ABCA9: variants seen among roughly 807,000 people sequenced by gnomAD.
ABCA9 encodes the protein ATP binding cassette subfamily A member 9.
A neutral mutation model predicts 205.3 loss-of-function variants in ABCA9; 183 were observed. The observed-to-expected ratio is 0.89, with a 90% CI of 0.79 to 1.01. ABCA9 has a LOEUF of 1.01. Among genes scored for constraint, ABCA9 ranks in the 50% least tolerant of loss-of-function variants. The pLI is 0.00. For missense variants in ABCA9, 1,805 were observed against 1,912.4 expected (o/e 0.94, Z 1.05); for synonymous variants, 651 against 683.3 (o/e 0.95, Z 0.74).
At chr17:69,010,387 A>T (rs1276680758) in intron 23 of ABCA9, among the ~76,000 whole-genome samples, 1 of 152,150 alleles carries the variant, frequency 6.6e-6, no homozygotes, top group East Asian at 1.9e-4. Flanking sequence ...AGCCAGAAGA[A>T]ATGGCCAATG....
chr17:69,060,023 T>G (rs1402610131), intron 1 of ABCA9, among the ~76,000 whole-genome samples: 1 of 151,412 alleles, frequency 6.6e-6, no homozygotes, highest in African/African-American at 2.5e-5. Flanking sequence ...CCCACGTGAC[T>G]ACTGTTCTTT....
At chr17:69,072,085 A>T in the ABCA9 span, among the ~76,000 whole-genome samples, 1 of 152,218 alleles carries the variant, frequency 6.6e-6, no homozygotes, top group Non-Finnish European at 1.5e-5. Context: ...TCCAAGCAAT[A>T]TGGGACTATG....
intron 37 of ABCA9, among the ~76,000 whole-genome samples, chr17:68,981,835 CAAAAAAAAA>C (rs398041827): frequency 8.1e-4 from 42 of 51,656 alleles, no homozygotes; most frequent in African/African-American, 3.1e-3. Flanking sequence ...AACTCTTTCT[CAAAAAAAAA>C]AAAAAAAAAA....
chr17:68,996,470 A>G (rs930119875), intron 25 of ABCA9, among the ~76,000 whole-genome samples: 2 of 152,230 alleles, frequency 1.3e-5, no homozygotes, highest in African/African-American at 4.8e-5. Context: ...TTCTGCTCCT[A>G]TGAATGATGG....
rs188104057 is a variant in ABCA9 at position 69,034,966 on chromosome 17, T to C, written c.1128+280A>G. The stretch of plus-strand genomic sequence containing the variant: ...TAAATGCTTGTGATAACATTAAGGG[T>C]CATGTTTCCTGAGCACTGAATGAGA... On this transcript the variant is annotated intron_variant, in intron 8 of 38. Transcript: ENST00000340001. The C allele has an allele frequency of 5.7e-5, 14 of 247,128 alleles. 1 individual carries two copies. In the Admixed American group the frequency reaches 6.6e-4, roughly 12 times the overall value. 15.3% of individuals were successfully genotyped at this position (247,128 alleles called of 1,614,324 possible).
chr17:68,983,881 GA>G, intron 35 of ABCA9, 32 bp from the exon 36 acceptor site: 2 of 1,613,508 alleles, frequency 1.2e-6, no homozygotes, highest in Non-Finnish European at 1.7e-6. Context: ...AGTCAAGCAA[GA>G]AAAGAGAAAA....
chr17:69,031,809 CAG>C (rs989098219), intron 10 of ABCA9, among the ~76,000 whole-genome samples: 14 of 152,020 alleles, frequency 9.2e-5, no homozygotes, highest in South Asian at 2.1e-4. Flanking sequence ...GAGAACAACT[CAG>C]GGGAGAAAAA....
At chr17:69,072,174 G>A in the ABCA9 span, among the ~76,000 whole-genome samples, 48 of 152,192 alleles carry the variant, frequency 3.2e-4, no homozygotes, top group African/African-American at 9.9e-4. Context: ...AACACTCTTC[G>A]GGATATTAAC....
At position 68,993,104 on chromosome 17, in the gene ABCA9, T is replaced by C; in HGVS notation, c.3556-20A>G. On this transcript the variant is annotated intron_variant, in intron 26 of 38. Transcript: ENST00000340001. ...AGAAATCTGTAAAATGAGCAGTAAG[T>C]GTATTCAGGTGAACCTTCTTTATTT... The C allele has an allele frequency of 6.3e-7, 1 of 1,589,770 alleles. No individual in the cohort carries two copies. The highest frequency in any genetic ancestry group is 1.3e-5 in the African/African-American group (1 of 74,402).
chr17:69,059,694 T>C (rs553511233), intron 1 of ABCA9, among the ~76,000 whole-genome samples: 1 of 146,720 alleles, frequency 6.8e-6, no homozygotes. Context: ...ACAGCAGCAA[T>C]AGAAAGTTAA....
At chr17:68,980,919 T>TA (rs1269052520) in intron 37 of ABCA9, among the ~76,000 whole-genome samples, 1 of 134,936 alleles carries the variant, frequency 7.4e-6, no homozygotes, top group African/African-American at 3.0e-5. Flanking sequence ...TATAATAATA[T>TA]AAAAAAACTA....
At chr17:69,029,673 GCT>G (rs2071098716) in intron 10 of ABCA9, among the ~76,000 whole-genome samples, 1 of 152,150 alleles carries the variant, frequency 6.6e-6, no homozygotes, top group Non-Finnish European at 1.5e-5. Flanking sequence ...CTACACACCA[GCT>G]CTGTTACAAA....
At chr17:69,075,182 G>A in the ABCA9 span, among the ~76,000 whole-genome samples, 2 of 152,006 alleles carry the variant, frequency 1.3e-5, no homozygotes, top group African/African-American at 4.8e-5. Context: ...ATATTCTCCT[G>A]TTCTCTAGGT....
Position 68,989,852 on chromosome 17 carries a change from T to C in ABCA9, c.3916A>G (p.Lys1306Glu). 1 of 1,612,414 alleles carries C rather than the reference T, an allele frequency of 6.2e-7. No homozygotes were observed. The highest frequency in any genetic ancestry group is 1.1e-5 in the South Asian group (1 of 90,922). The change falls in exon 30 of 39, where the codon AAA (lysine) becomes GAA (glutamate). Residue 1306 changes from lysine (K) to glutamate (E), a missense_variant. By Grantham distance (56) the Lys-to-Glu change is moderately conservative. Coordinates refer to ENST00000340001, the MANE Select transcript of ABCA9 (RefSeq NM_080283.4). Reference protein sequence around the residue: ...KKNCFSKRKKKIATRNVSFCV... With the variant: ...KKNCFSKRKKEIATRNVSFCV... ...AAAGAGACATTTCTTGTGGCAATTTTTTTCTTCCTTTTAGAAAAGCAATTT... is the reference window on the plus strand; with the variant it reads ...AAAGAGACATTTCTTGTGGCAATTTCTTTCTTCCTTTTAGAAAAGCAATTT...
chr17:69,038,505 T>C (rs1438636306), intron 6 of ABCA9, among the ~76,000 whole-genome samples: 2 of 152,084 alleles, frequency 1.3e-5, no homozygotes, highest in Non-Finnish European at 2.9e-5. Context: ...ATGCCTTCAA[T>C]AAAGTTCAAC....
chr17:68,982,495 AC>A, intron 37 of ABCA9, 66 bp downstream of exon 37: 1 of 1,191,878 alleles, frequency 8.4e-7, no homozygotes, highest in Non-Finnish European at 1.2e-6. Context: ...TTTTTAAAAT[AC>A]TGGTTCTATG....
Position 68,999,935 on chromosome 17 carries a change from G to A in ABCA9, c.3436-3921C>T, listed in dbSNP as rs1003363271. 4.6e-5 allele frequency among the ~76,000 whole-genome samples: 7 copies of A among 152,264 alleles called. No homozygotes were observed. In the South Asian group the frequency reaches 1.0e-3, roughly 23 times the overall value. On this transcript the variant is annotated intron_variant, in intron 25 of 38. Coordinates refer to ENST00000340001, the MANE Select transcript of ABCA9 (RefSeq NM_080283.4). ...CTGCATAAATGTCTTCTTTTGAGAA[G>A]TGTCTGTTCATGTCCTTCGCCCACT... is the stretch of plus-strand genomic sequence containing the variant.
At position 69,007,870 on chromosome 17, in the gene ABCA9, G is replaced by A. The variant is rs150518027; in HGVS notation, c.3324C>T (p.Ile1108=). 6,796 of 1,578,818 alleles carry A rather than the reference G, an allele frequency of 4.3e-3. 28 individuals carry two copies. The highest frequency in any genetic ancestry group is 5.3e-3 in the Non-Finnish European group (6,150 of 1,151,332). The change falls in exon 25 of 39, where the codon ATC becomes ATT. Residue 1108 remains isoleucine (I), a splice_region_variant and synonymous_variant. Coordinates refer to ENST00000340001, the MANE Select transcript of ABCA9 (RefSeq NM_080283.4). The part of the protein sequence containing the change: ...IFIIQNLLIQ[I]LCSIGYVSSL... ...ATGAGACATAGCCAATACTACACAGGATCTGAAAACAGAAATGTTAAGGTC... is the reference window on the plus strand; with the variant it reads ...ATGAGACATAGCCAATACTACACAGAATCTGAAAACAGAAATGTTAAGGTC...
chr17:69,066,815 G>A, the ABCA9 span, among the ~76,000 whole-genome samples: 1 of 152,150 alleles, frequency 6.6e-6, no homozygotes, highest in Non-Finnish European at 1.5e-5. Context: ...ATCAAGGAGA[G>A]TGGAAGATTG....
Sources: gnomAD v4.1 joint callset for allele counts (sites outside exome capture counted in the v4.1 genomes callset) on GRCh38, gnomAD v4.1.1 for gene constraint, MANE v1.5 for transcripts, NCBI Gene and HGNC (gene_info 2026-07-23, HGNC 2026-07-21) for gene names.